Variants in PTPRM observed in about 807,000 individuals in gnomAD.
The protein encoded by PTPRM is receptor-type tyrosine-protein phosphatase mu.
Under a neutral mutation model 186.7 loss-of-function variants are expected in PTPRM, and 47 were observed. The ratio of observed to expected loss-of-function variants is 0.25; its 90% CI spans 0.20 to 0.32. PTPRM has a LOEUF of 0.32. PTPRM is among the 10% of genes least tolerant of loss of function. The pLI is 1.00. For missense variants in PTPRM, 1,494 were observed against 1,865.0 expected, an observed-to-expected ratio of 0.80 and a Z score of 3.66; for synonymous variants, 668 against 674.9, an observed-to-expected ratio of 0.99 and a Z score of 0.16.
chr18:8,116,262 C>G (rs1359738120), intron 13 of PTPRM, among the ~76,000 whole-genome samples: 2 of 152,214 alleles, frequency 1.3e-5, no homozygotes, highest in African/African-American at 4.8e-5. Context: ...AAAGTAAATC[C>G]TGTTCCAGGG....
chr18:8,247,950 C>T, intron 16 of PTPRM, 31 bp downstream of exon 16: 1 of 1,513,240 alleles, frequency 6.6e-7, no homozygotes, highest in Non-Finnish European at 9.2e-7. Context: ...CTCCTCTCTG[C>T]TCTCTCCTCA....
At chr18:7,661,979 A>G (rs1457514876) in intron 1 of PTPRM, among the ~76,000 whole-genome samples, 1 of 152,160 alleles carries the variant, frequency 6.6e-6, no homozygotes, top group African/African-American at 2.4e-5. Flanking sequence ...ATGCAGTGGT[A>G]CAATCACAGC....
chr18:8,042,609 C>G (rs2086763332), intron 7 of PTPRM, among the ~76,000 whole-genome samples: 1 of 152,108 alleles, frequency 6.6e-6, no homozygotes, highest in Admixed American at 6.6e-5. Context: ...CACATAACCT[C>G]TGACTCCTTC....
intron 14 of PTPRM, among the ~76,000 whole-genome samples, chr18:8,220,842 T>C (rs1237421697): frequency 1.3e-5 from 2 of 152,210 alleles, no homozygotes; most frequent in African/African-American, 4.8e-5. Flanking sequence ...TTGAGCTAAA[T>C]GTAAGCATTT....
chr18:7,718,202 T>C (rs1213796987), intron 1 of PTPRM, among the ~76,000 whole-genome samples: 1 of 152,188 alleles, frequency 6.6e-6, no homozygotes, highest in African/African-American at 2.4e-5. Context: ...GGCATGGTAC[T>C]GGTATAAAAA....
intron 14 of PTPRM, among the ~76,000 whole-genome samples, chr18:8,195,991 C>G (rs1037208468): frequency 6.6e-6 from 1 of 152,190 alleles, no homozygotes; most frequent in Non-Finnish European, 1.5e-5. Flanking sequence ...ATTATCGTTA[C>G]TAGTTAGTTG....
chr18:7,966,748 C>G (rs1178070711), intron 7 of PTPRM, among the ~76,000 whole-genome samples: 1 of 141,596 alleles, frequency 7.1e-6, no homozygotes, highest in Admixed American at 7.2e-5. Context: ...CTTTTCAGAC[C>G]GGCTTAAAAA....
intron 19 of PTPRM, among the ~76,000 whole-genome samples, chr18:8,261,506 T>A (rs1392056226): frequency 6.6e-6 from 1 of 152,202 alleles, no homozygotes; most frequent in Non-Finnish European, 1.5e-5. Context: ...TTTCTGCGTA[T>A]TTTTAAATAA....
intron 19 of PTPRM, among the ~76,000 whole-genome samples, chr18:8,276,945 A>AT (rs35201374): frequency 0.24 from 34,910 of 147,762 alleles, 4,188 homozygotes; most frequent in Middle Eastern, 0.39. Flanking sequence ...CAAAACTGTA[A>AT]TTTTTTTTTT....
chr18:8,185,011 TTTTC>T (rs2093623880), intron 14 of PTPRM, among the ~76,000 whole-genome samples: 1 of 152,174 alleles, frequency 6.6e-6, no homozygotes, highest in Admixed American at 6.5e-5. Context: ...ATCTTGTTGG[TTTTC>T]TTTTTTTAAG....
intron 2 of PTPRM, among the ~76,000 whole-genome samples, chr18:7,864,400 C>T (rs1053193509): frequency 6.6e-6 from 1 of 152,182 alleles, no homozygotes; most frequent in East Asian, 1.9e-4. Context: ...TGTCCAGTTT[C>T]AGTTTTCTGC....
intron 7 of PTPRM, among the ~76,000 whole-genome samples, chr18:8,033,819 A>G (rs1194946606): frequency 6.6e-6 from 1 of 152,254 alleles, no homozygotes; most frequent in Admixed American, 6.5e-5. Flanking sequence ...CATGAACTTT[A>G]TAACTTAAGG....
chr18:8,085,573 GTGTC>G, intron 9 of PTPRM, 94 bp from the exon 10 acceptor site: 2 of 1,024,706 alleles, frequency 2.0e-6, no homozygotes, highest in Non-Finnish European at 3.0e-6. Context: ...TTATCATAAA[GTGTC>G]TGACAGTGCA....
chr18:8,150,974 A>G (rs1355226535), intron 14 of PTPRM, among the ~76,000 whole-genome samples: 1 of 152,108 alleles, frequency 6.6e-6, no homozygotes, highest in Non-Finnish European at 1.5e-5. Context: ...AGACCAGCAA[A>G]GATTGCTGCC....
intron 2 of PTPRM, among the ~76,000 whole-genome samples, chr18:7,840,564 A>G (rs1459209953): frequency 6.6e-6 from 1 of 152,194 alleles, no homozygotes; most frequent in Non-Finnish European, 1.5e-5. Context: ...TCTGTGCTAT[A>G]AAAGCCATTG....
Position 7,691,498 on chromosome 18 carries a change from G to A in PTPRM, c.74-82651G>A, listed in dbSNP as rs114313949. Among the ~76,000 whole-genome samples, 377 of 152,192 alleles carry A rather than the reference G, an allele frequency of 2.5e-3. 2 individuals carry two copies. The highest frequency in any genetic ancestry group is 8.5e-3 in the African/African-American group (352 of 41,532). ...CTTTGGCATGTTGAAAACCAAATTC[G>A]GTATTTCGGTGCCTTTTCTTTCTGG... On this transcript the variant is annotated intron_variant, in intron 1 of 32. Coordinates refer to ENST00000580170, the MANE Select transcript of PTPRM (RefSeq NM_001105244.2).
In PTPRM at chr18:7,668,919, T is replaced by C. The variant is rs952545506; in HGVS notation, c.73+101028T>C. Among the ~76,000 whole-genome samples the C allele has an allele frequency of 2.0e-5, 3 of 152,042 alleles. No homozygotes were observed. Among genetic ancestry groups the C allele is most frequent in the Admixed American group, 2.0e-4 (3 of 15,272 alleles). On this transcript the variant is annotated intron_variant, in intron 1 of 32. Transcript: ENST00000580170. The surrounding 1 kb of genome is among the most constrained non-coding windows in gnomAD (Gnocchi z 4.7). ...CCTCTCTGCTTGAACAGGGGATCTT[T>C]GTCTCTTTTCCTCAATGACATGTGT...
At chr18:7,618,205 C>T (rs2037852720) in intron 1 of PTPRM, among the ~76,000 whole-genome samples, 1 of 152,212 alleles carries the variant, frequency 6.6e-6, no homozygotes, top group Non-Finnish European at 1.5e-5. Context: ...TAATAGTGCA[C>T]ATTTCAATAG....
At chr18:7,728,884 TCTAG>T (rs2040600123) in intron 1 of PTPRM, among the ~76,000 whole-genome samples, 1 of 152,110 alleles carries the variant, frequency 6.6e-6, no homozygotes. Context: ...TCATCAAGAA[TCTAG>T]CTATTACTTT....
Sources: gnomAD v4.1 joint callset for allele counts (sites outside exome capture counted in the v4.1 genomes callset) on GRCh38, gnomAD v4.1.1 for gene constraint, Gnocchi (gnomAD v3.1) non-coding constraint, MANE v1.5 for transcripts, NCBI Gene and HGNC (gene_info 2026-07-23, HGNC 2026-07-21) for gene names.